Variants in ZBTB7C observed in about 807,000 individuals in gnomAD.
ZBTB7C encodes zinc finger and BTB domain containing 7C.
Under a neutral mutation model 25.7 loss-of-function variants are expected in ZBTB7C, and 8 were observed. That is an observed-to-expected ratio of 0.31 (90% CI 0.18 to 0.56). The LOEUF is 0.56. ZBTB7C is among the 20% of genes least tolerant of loss of function. ZBTB7C has a pLI of 0.91. For synonymous variants in ZBTB7C, 394 were observed against 369.0 expected, an observed-to-expected ratio of 1.07 and a Z score of -0.78; for missense variants, 824 against 855.2, an observed-to-expected ratio of 0.96 and a Z score of 0.46.
At chr18:48,080,302 C>T (rs923870868) in intron 3 of ZBTB7C, among the ~76,000 whole-genome samples, 1 of 152,184 alleles carries the variant, frequency 6.6e-6, no homozygotes, top group African/African-American at 2.4e-5. Flanking sequence ...CAGCACCCTG[C>T]CAGATCCAAG....
intron 3 of ZBTB7C, among the ~76,000 whole-genome samples, chr18:48,075,356 C>G (rs529704850): frequency 1.3e-4 from 20 of 152,324 alleles, no homozygotes; most frequent in African/African-American, 4.8e-4. Context: ...TCCAAAGAGG[C>G]TGGTGATGCG....
intron 3 of ZBTB7C, among the ~76,000 whole-genome samples, chr18:48,159,101 C>A (rs544241423): frequency 2.6e-5 from 4 of 152,220 alleles, no homozygotes; most frequent in Non-Finnish European, 5.9e-5. Context: ...AGGAGCATAA[C>A]CACATTCTGT....
intron 3 of ZBTB7C, among the ~76,000 whole-genome samples, chr18:48,098,060 C>G (rs939507428): frequency 1.3e-5 from 2 of 152,094 alleles, no homozygotes; most frequent in African/African-American, 4.8e-5. Flanking sequence ...AATCTATTGG[C>G]AAAAACAAAG....
intron 3 of ZBTB7C, among the ~76,000 whole-genome samples, chr18:48,119,636 GCAGGTCCTCCTGGCCCAAC>G (rs1436090371): frequency 1.3e-5 from 2 of 152,166 alleles, no homozygotes; most frequent in East Asian, 1.9e-4. Flanking sequence ...TGTGTAACAG[GCAGGTCCTCCTGGCCCAAC>G]CAGGAACTCC....
intron 3 of ZBTB7C, among the ~76,000 whole-genome samples, chr18:48,044,883 T>C (rs371965034): frequency 6.6e-6 from 1 of 152,226 alleles, no homozygotes; most frequent in South Asian, 2.1e-4. Flanking sequence ...ATTGTTACCA[T>C]CGTTCCCATT....
intron 3 of ZBTB7C, among the ~76,000 whole-genome samples, chr18:48,163,311 A>T (rs1300671944): frequency 3.3e-5 from 5 of 152,150 alleles, no homozygotes; most frequent in Non-Finnish European, 7.3e-5. Context: ...GGGTTCCCTC[A>T]TCTGTAAAAT....
Position 48,289,496 on chromosome 18 carries a change from G to A in ZBTB7C, c.-79+48678C>T, listed in dbSNP as rs182933485. ...CCAAACATCTACGAAAAATAAACAC[G>A]GTATGATTTTTTTAACACCACAAAA... On this transcript the variant is annotated intron_variant, in intron 2 of 4. Coordinates refer to ENST00000590800, the MANE Select transcript of ZBTB7C (RefSeq NM_001318841.2). 1.6e-3 allele frequency among the ~76,000 whole-genome samples: 241 copies of A among 150,462 alleles called. 2 individuals carry two copies. The highest frequency in any genetic ancestry group is 5.4e-3 in the African/African-American group (222 of 41,032).
At chr18:48,397,752 T>C (rs918496724) in intron 1 of ZBTB7C, among the ~76,000 whole-genome samples, 1 of 152,210 alleles carries the variant, frequency 6.6e-6, no homozygotes, top group Admixed American at 6.5e-5. Flanking sequence ...CACTATGTCA[T>C]TTAGCTCTTC....
intron 3 of ZBTB7C, among the ~76,000 whole-genome samples, chr18:48,145,775 T>C (rs2040481656): frequency 6.6e-6 from 1 of 152,260 alleles, no homozygotes; most frequent in South Asian, 2.1e-4. Flanking sequence ...TGTATGTATG[T>C]ATACGTGATA....
At chr18:48,091,065 T>TTGGTGTTTC (rs1205809809) in intron 3 of ZBTB7C, among the ~76,000 whole-genome samples, 3 of 151,676 alleles carry the variant, frequency 2.0e-5, no homozygotes, top group Non-Finnish European at 4.4e-5. Context: ...ATGCCAAATA[T>TTGGTGTTTC]TGGTGTTTCT....
chr18:48,302,327 C>T (rs2045564870), intron 2 of ZBTB7C, among the ~76,000 whole-genome samples: 2 of 152,288 alleles, frequency 1.3e-5, no homozygotes, highest in South Asian at 4.2e-4. Flanking sequence ...TCCTTGACTT[C>T]CCTTGGCCAT....
intron 3 of ZBTB7C, among the ~76,000 whole-genome samples, chr18:48,114,637 T>C (rs2039361716): frequency 6.6e-6 from 1 of 150,434 alleles, no homozygotes; most frequent in South Asian, 2.1e-4. Context: ...GAAAAGAAAA[T>C]GTGCAAAGAA....
At chr18:48,253,088 C>A (rs998919640) in intron 2 of ZBTB7C, among the ~76,000 whole-genome samples, 1 of 152,076 alleles carries the variant, frequency 6.6e-6, no homozygotes, top group African/African-American at 2.4e-5. Flanking sequence ...GCTGCTGGAG[C>A]AGTGCCCTGA....
chr18:48,343,300 T>C (rs775846019), intron 1 of ZBTB7C, among the ~76,000 whole-genome samples: 1 of 152,132 alleles, frequency 6.6e-6, no homozygotes, highest in Non-Finnish European at 1.5e-5. Flanking sequence ...ATTTTAAGGA[T>C]TGAGGAAAAA....
At chr18:48,151,629 C>G (rs988446920) in intron 3 of ZBTB7C, among the ~76,000 whole-genome samples, 10 of 152,210 alleles carry the variant, frequency 6.6e-5, no homozygotes, top group African/African-American at 2.4e-4. Context: ...CCAGGGAGTT[C>G]TTGTTCATGG....
chr18:48,410,334 G>T (rs993456187), upstream of ZBTB7C, among the ~76,000 whole-genome samples: 2 of 152,124 alleles, frequency 1.3e-5, no homozygotes, highest in African/African-American at 4.8e-5. Flanking sequence ...CACCCCACAC[G>T]CCGGGGAGCA....
chr18:48,137,921 T>C (rs2144813505), intron 3 of ZBTB7C, among the ~76,000 whole-genome samples: 1 of 152,366 alleles, frequency 6.6e-6, no homozygotes, highest in East Asian at 1.9e-4. Flanking sequence ...CGAGCCTTCT[T>C]GAAAACTGCC....
chr18:48,390,802 G>C (rs936137064), intron 1 of ZBTB7C, among the ~76,000 whole-genome samples: 2 of 152,224 alleles, frequency 1.3e-5, no homozygotes, highest in African/African-American at 2.4e-5. Flanking sequence ...GGGGCACTAA[G>C]AGCCTGGTCC....
chr18:48,137,151 G>A, intron 3 of ZBTB7C: 1 of 985,464 alleles, frequency 1.0e-6, no homozygotes, highest in Non-Finnish European at 1.2e-6. Context: ...TGCTGGGCGA[G>A]TTAAGCCATT....
Sources: allele counts gnomAD v4.1 joint callset (sites outside exome capture counted in the v4.1 genomes callset), GRCh38; gene constraint gnomAD v4.1.1; transcripts MANE v1.5; gene names NCBI Gene and HGNC (gene_info 2026-07-23, HGNC 2026-07-21).